The following CALM3 variants were observed in gnomAD, a reference collection of about 807,000 sequenced individuals.
CALM3 encodes calmodulin 3, also known as calmodulin-3.
CALM3 carries 5 observed loss-of-function variants against 20.1 expected under a neutral mutation model. The observed-to-expected ratio is 0.25, with a 90% CI of 0.13 to 0.52. The LOEUF (loss-of-function observed/expected upper bound fraction) is 0.52, where lower values mean the gene tolerates loss of function less well. Among genes scored for constraint, CALM3 ranks in the 20% least tolerant of loss-of-function variants. The pLI, the probability that CALM3 is intolerant of heterozygous loss-of-function variation, is 0.96. For synonymous variants in CALM3, 69 were observed against 68.1 expected (o/e 1.01, Z -0.06); for missense variants, 57 against 192.8 (o/e 0.30, Z 4.17).
chr19:46,602,678 C>T, intron 1 of CALM3: 1 of 161,200 alleles, frequency 6.2e-6, no homozygotes, highest in Non-Finnish European at 1.4e-5. Flanking sequence ...CGCACTGAAG[C>T]CTCATGAAAT....
rs758597790 is a variant in CALM3 at position 46,608,825 on chromosome 19, G to A, written c.286-21G>A. ...CCACCGGGAGAAGTGCCCAGTGAAA[G>A]GCTTTATCCCCAACCCCCAGGATGG... On this transcript the variant is annotated intron_variant, in intron 4 of 5. Transcript: ENST00000291295. The surrounding 1 kb of genome is among the most constrained non-coding windows in gnomAD (Gnocchi z 5.5). The A allele has an allele frequency of 2.0e-6, 3 of 1,536,316 alleles. No homozygotes were observed. Among genetic ancestry groups the A allele is most frequent in the Middle Eastern group, 2.2e-4 (1 of 4,520 alleles).
chr19:46,603,844 C>T (rs1197921074), intron 1 of CALM3, among the ~76,000 whole-genome samples: 1 of 152,224 alleles, frequency 6.6e-6, no homozygotes, highest in African/African-American at 2.4e-5. Flanking sequence ...TGTGACAGAA[C>T]TGAACATGGC....
In CALM3 at chr19:46,608,309, G is replaced by T. The variant is rs760657005; in HGVS notation, c.147G>T (p.Leu49=). The change falls in exon 3 of 6, where the codon CTG becomes CTT. Residue 49 remains leucine, a synonymous_variant. Transcript: ENST00000291295. This position sits in a 1 kb window ranked among gnomAD's most constrained non-coding sequence, Gnocchi z 5.5. The part of the protein sequence containing the change: ...SLGQNPTEAE[L]QDMINEVDAD... Reference sequence around the variant, plus strand: ...GACAGAACCCCACTGAAGCAGAGCTGCAGGATATGATCAATGAGGTGGATG... The same window carrying T: ...GACAGAACCCCACTGAAGCAGAGCTTCAGGATATGATCAATGAGGTGGATG... The T allele has an allele frequency of 6.2e-7, 1 of 1,614,208 alleles. No homozygotes were observed. The highest frequency in any genetic ancestry group is 8.5e-7 in the Non-Finnish European group (1 of 1,180,030).
chr19:46,602,131 GGCA>G (rs1486660562), intron 1 of CALM3: 2 of 1,325,364 alleles, frequency 1.5e-6, no homozygotes, highest in Admixed American at 4.4e-5. Context: ...TGGGGTGGGT[GGCA>G]GCGGAGATTA....
chr19:46,602,360 G>GA (rs1971643878), intron 1 of CALM3: 1 of 399,356 alleles, frequency 2.5e-6, no homozygotes. Context: ...GTTGTGTTTG[G>GA]GTCCAAGAGA....
At chr19:46,603,417 C>T (rs1971675946) in intron 1 of CALM3, among the ~76,000 whole-genome samples, 1 of 152,210 alleles carries the variant, frequency 6.6e-6, no homozygotes, top group Non-Finnish European at 1.5e-5. Context: ...TGTGGCTCCT[C>T]CTTGGCCCGG....
chr19:46,608,194 C>G lies in CALM3; in HGVS notation c.35-3C>G. On this transcript the variant is annotated splice_region_variant and splice_polypyrimidine_tract_variant and intron_variant, in intron 2 of 5. Coordinates refer to ENST00000291295, the MANE Select transcript of CALM3 (RefSeq NM_005184.4). This position sits in a 1 kb window ranked among gnomAD's most constrained non-coding sequence, Gnocchi z 5.5. ...CTCTGACTCCTCCCCCTTCTTCCCC[C>G]AGAGTTCAAGGAGGCCTTCTCCCTC... The G allele has an allele frequency of 6.2e-7, 1 of 1,613,072 alleles. No individual in the cohort carries two copies. The highest frequency in any genetic ancestry group is 8.5e-7 in the Non-Finnish European group (1 of 1,179,462).
chr19:46,603,995 G>A (rs1057230475), intron 1 of CALM3, among the ~76,000 whole-genome samples: 1 of 152,222 alleles, frequency 6.6e-6, no homozygotes, highest in Non-Finnish European at 1.5e-5. Flanking sequence ...AAGGTCCGGG[G>A]AGCTGGACTT....
At chr19:46,602,870 C>T (rs1599753750) in intron 1 of CALM3, among the ~76,000 whole-genome samples, 2 of 152,302 alleles carry the variant, frequency 1.3e-5, no homozygotes, top group East Asian at 3.9e-4. Context: ...TGCCAAATGA[C>T]AGTGCAGTAC....
At chr19:46,602,095 G>A (rs993934686) in intron 1 of CALM3, 10 of 1,310,246 alleles carry the variant, frequency 7.6e-6, no homozygotes, top group Admixed American at 2.3e-5. Flanking sequence ...AGGAGGGTGA[G>A]GTGCAAGCTT....
rs1971822329 is a variant in CALM3, at chr19:46,609,406, GATGC to G, written c.*256_*259del. 1 of 572,344 alleles carries G rather than the reference GATGC, an allele frequency of 1.7e-6. No homozygotes were observed. Among genetic ancestry groups the G allele is most frequent in the African/African-American group, 1.9e-5 (1 of 53,212 alleles). 35.5% of individuals were successfully genotyped at this position (572,344 alleles called of 1,614,324 possible). A position where few individuals can be genotyped will look rare whatever the true frequency, so the allele number is the denominator to read the frequency against. On this transcript the variant is annotated 3_prime_UTR_variant, in exon 6 of 6. Transcript: ENST00000291295. ...CTTCCATCCATGTCTTCCAAGGCCT[GATGC>G]ATTCATAAGTTGAAGCCCTCCCCAG...
chr19:46,602,522 C>A, intron 1 of CALM3: 2 of 293,486 alleles, frequency 6.8e-6, no homozygotes, highest in Non-Finnish European at 1.3e-5. Context: ...CAGGCCAGGA[C>A]AAAGACGGCT....
rs143699789 is a variant in CALM3, at chr19:46,608,899, G to C, written c.339G>C (p.Leu113=). Residue 113 remains leucine, a synonymous_variant, in exon 5 of 6, where the codon CTG becomes CTC. Transcript: ENST00000291295. This position sits in a 1 kb window ranked among gnomAD's most constrained non-coding sequence, Gnocchi z 5.5. The stretch of plus-strand genomic sequence containing the variant: ...AGCTGCGTCACGTAATGACGAACCT[G>C]GGGGAGAAGCTGACCGATGAGGAGG... ...AAELRHVMTN[L]GEKLTDEEVD... The C allele has an allele frequency of 1.4e-5, 23 of 1,606,904 alleles. 2 individuals carry two copies. The African/African-American group carries it at 1.7e-4, about 12-fold the overall frequency.
chr19:46,609,100 C>G (rs373393026), intron 5 of CALM3, 25 bp from the exon 6 acceptor site: 66 of 1,613,788 alleles, frequency 4.1e-5, no homozygotes, highest in Non-Finnish European at 5.4e-5. Flanking sequence ...CGCCTGACCT[C>G]CTCTCTCTCT....
At position 46,601,851 on chromosome 19, in the gene CALM3, G is replaced by A. The variant is rs1210378031; in HGVS notation, c.3+414G>A. ...TGGGGAGGGGAGCTATTCGGGCCCT[G>A]ATGAAGGCGTTTGGTCCTGAGAGGA... On this transcript the variant is annotated intron_variant, in intron 1 of 5. Transcript: ENST00000291295. The surrounding 1 kb of genome is among the most constrained non-coding windows in gnomAD (Gnocchi z 4.2). Among the ~76,000 whole-genome samples the A allele has an allele frequency of 2.0e-5, 3 of 151,948 alleles. No individual in the cohort carries two copies. In the East Asian group the frequency reaches 5.8e-4, roughly 29 times the overall value.
At chr19:46,602,588 C>T (rs1373024417) in intron 1 of CALM3, 1 of 203,718 alleles carries the variant, frequency 4.9e-6, no homozygotes, top group Non-Finnish European at 1.0e-5. Context: ...TACCGTCCTC[C>T]TTCCTCAGGA....
upstream of CALM3, chr19:46,601,093 C>T: frequency 5.7e-6 from 6 of 1,048,130 alleles, no homozygotes; most frequent in Non-Finnish European, 8.1e-6. The surrounding 1 kb of genome is among the most constrained non-coding windows in gnomAD (Gnocchi z 4.2). Context: ...GAAAGTAGTC[C>T]GGCGACGGGA....
rs1971834728 is a variant in CALM3 at position 46,609,812 on chromosome 19, G to A, written c.*659G>A. On this transcript the variant is annotated 3_prime_UTR_variant, in exon 6 of 6. Coordinates refer to ENST00000291295, the MANE Select transcript of CALM3 (RefSeq NM_005184.4). The stretch of plus-strand genomic sequence containing the variant: ...CAACACTCACATCCCACTGGCTGCT[G>A]TTCTGAAACCATCTGATTGGCTTTC... The A allele has an allele frequency of 6.5e-6, 1 of 153,068 alleles. No individual in the cohort carries two copies. The highest frequency in any genetic ancestry group is 1.5e-5 in the Non-Finnish European group (1 of 68,386). 9.5% of individuals were successfully genotyped at this position (153,068 alleles called of 1,614,324 possible). A position where few individuals can be genotyped will look rare whatever the true frequency, so the allele number is the denominator to read the frequency against.
chr19:46,607,621 G>A (rs952877265), intron 2 of CALM3, among the ~76,000 whole-genome samples: 4 of 152,156 alleles, frequency 2.6e-5, no homozygotes, highest in South Asian at 2.1e-4. Context: ...TTCTGCTGCC[G>A]ACCACCCCCA....
Sources: allele counts gnomAD v4.1 joint callset (sites outside exome capture counted in the v4.1 genomes callset), GRCh38; gene constraint gnomAD v4.1.1; non-coding constraint Gnocchi (gnomAD v3.1); transcripts MANE v1.5; gene names NCBI Gene and HGNC (gene_info 2026-07-23, HGNC 2026-07-21).